The following RCAN2 variants were observed in gnomAD, a reference collection of about 807,000 sequenced individuals.
RCAN2 encodes regulator of calcineurin 2, also known as calcipressin-2.
Under a neutral mutation model 23.6 loss-of-function variants are expected in RCAN2, and 9 were observed. That is an observed-to-expected ratio of 0.38 (90% CI 0.23 to 0.67). The LOEUF (loss-of-function observed/expected upper bound fraction) is 0.67, where lower values mean the gene tolerates loss of function less well. Among genes scored for constraint, RCAN2 ranks in the 30% least tolerant of loss-of-function variants. The pLI is 0.51. For synonymous variants in RCAN2, 109 were observed against 115.7 expected (o/e 0.94, Z 0.37); for missense variants, 273 against 302.3 (o/e 0.90, Z 0.72).
In RCAN2 at chr6:46,243,037, A is replaced by G. The variant is rs541900110; in HGVS notation, c.571+3711T>C. Among the ~76,000 whole-genome samples the G allele has an allele frequency of 3.9e-5, 6 of 152,314 alleles. No homozygotes were observed. The South Asian group carries it at 8.3e-4, about 21-fold the overall frequency. ...AGAAAATTACCATAAGGAAAAGTGA[A>G]TATTTGTGCAAAGTGACAGGAGGAG... On this transcript the variant is annotated intron_variant, in intron 4 of 4. Coordinates refer to ENST00000371374, the MANE Select transcript of RCAN2 (RefSeq NM_001251974.2).
intron 2 of RCAN2, among the ~76,000 whole-genome samples, chr6:46,424,247 TAAGTGGG>T (rs991322011): frequency 1.3e-5 from 2 of 152,148 alleles, no homozygotes; most frequent in Admixed American, 1.3e-4. Flanking sequence ...TCCCACAAGG[TAAGTGGG>T]AATATTATCA....
chr6:46,346,710 A>G (rs1291674550), intron 2 of RCAN2, among the ~76,000 whole-genome samples: 1 of 152,070 alleles, frequency 6.6e-6, no homozygotes, highest in African/African-American at 2.4e-5. Context: ...GCATCAAAAT[A>G]TTAATAGTAC....
chr6:46,434,156 C>G (rs1767297719), intron 2 of RCAN2, among the ~76,000 whole-genome samples: 1 of 152,208 alleles, frequency 6.6e-6, no homozygotes, highest in Admixed American at 6.5e-5. Flanking sequence ...CACTATGTGC[C>G]TCACAAAGAT....
intron 2 of RCAN2, among the ~76,000 whole-genome samples, chr6:46,299,009 G>A (rs907218900): frequency 1.3e-5 from 2 of 151,958 alleles, no homozygotes; most frequent in Non-Finnish European, 2.9e-5. Flanking sequence ...TATAAGAATA[G>A]AAAACAAAAT....
intron 2 of RCAN2, among the ~76,000 whole-genome samples, chr6:46,330,554 C>A (rs189657473): frequency 6.6e-6 from 1 of 152,196 alleles, no homozygotes; most frequent in African/African-American, 2.4e-5. Context: ...TATCACCAAA[C>A]GTCCTGCCAG....
intron 2 of RCAN2, among the ~76,000 whole-genome samples, chr6:46,389,544 C>A (rs1765867750): frequency 6.6e-6 from 1 of 152,190 alleles, no homozygotes; most frequent in Admixed American, 6.5e-5. Context: ...TCCTCCAGGG[C>A]TAGATCATGT....
intron 2 of RCAN2, among the ~76,000 whole-genome samples, chr6:46,330,849 T>C (rs1054216435): frequency 6.6e-6 from 1 of 152,232 alleles, no homozygotes; most frequent in Non-Finnish European, 1.5e-5. Flanking sequence ...CGACACAGTG[T>C]AGTTTAACAG....
chr6:46,397,999 T>C (rs1766145043), intron 2 of RCAN2, among the ~76,000 whole-genome samples: 1 of 152,090 alleles, frequency 6.6e-6, no homozygotes, highest in African/African-American at 2.4e-5. Flanking sequence ...CTGGAAACAA[T>C]CAAAATATTG....
intron 4 of RCAN2, among the ~76,000 whole-genome samples, chr6:46,239,982 A>G (rs1766245030): frequency 6.6e-6 from 1 of 152,202 alleles, no homozygotes. Flanking sequence ...AGGGAACCAC[A>G]GAGGGGAAAG....
At chr6:46,383,168 A>AGGGTGT (rs1554137741) in intron 2 of RCAN2, among the ~76,000 whole-genome samples, 2 of 139,312 alleles carry the variant, frequency 1.4e-5, no homozygotes, top group Non-Finnish European at 3.1e-5. Context: ...CAGCCTGGGT[A>AGGGTGT]GTGTGTGTGT....
rs7763863 is a variant in RCAN2 at position 46,402,556 on chromosome 6, A to G, written c.225+54196T>C. Among the ~76,000 whole-genome samples the G allele has an allele frequency of 1.2e-3, 176 of 152,286 alleles. 1 individual carries two copies. Among genetic ancestry groups the G allele is most frequent in the African/African-American group, 4.1e-3 (171 of 41,562 alleles). On this transcript the variant is annotated intron_variant, in intron 2 of 4. Coordinates refer to ENST00000371374, the MANE Select transcript of RCAN2 (RefSeq NM_001251974.2). The stretch of plus-strand genomic sequence containing the variant: ...ATGTAAAACTGGCCATAACAAAACT[A>G]TCTGACCTCCCTTATTTGACTGTAG...
At chr6:46,312,212 G>T (rs1331987907) in intron 2 of RCAN2, among the ~76,000 whole-genome samples, 7 of 152,184 alleles carry the variant, frequency 4.6e-5, no homozygotes, top group Non-Finnish European at 2.9e-5. Flanking sequence ...CATGGTATCA[G>T]ACTTTTCTTT....
intron 2 of RCAN2, among the ~76,000 whole-genome samples, chr6:46,282,361 C>T (rs1237621336): frequency 2.7e-5 from 4 of 148,786 alleles, no homozygotes; most frequent in South Asian, 2.1e-4. Context: ...CTGGCTAACA[C>T]GGTGAAACCT....
chr6:46,310,206 T>A (rs992566298), intron 2 of RCAN2, among the ~76,000 whole-genome samples: 3 of 152,118 alleles, frequency 2.0e-5, no homozygotes, highest in African/African-American at 7.2e-5. Context: ...AAAGATGGGT[T>A]CAGATTCCAT....
At chr6:46,244,113 C>T (rs1766424506) in intron 4 of RCAN2, among the ~76,000 whole-genome samples, 1 of 152,074 alleles carries the variant, frequency 6.6e-6, no homozygotes, top group South Asian at 2.1e-4. Flanking sequence ...GTGTTTATTA[C>T]AAAGCAGGGC....
At chr6:46,447,857 A>G (rs929396093) in intron 2 of RCAN2, among the ~76,000 whole-genome samples, 4 of 151,800 alleles carry the variant, frequency 2.6e-5, no homozygotes, top group African/African-American at 9.7e-5. Flanking sequence ...ATATCTAAGA[A>G]AAAAACTTAT....
chr6:46,344,897 C>T (rs1764435681), intron 2 of RCAN2, among the ~76,000 whole-genome samples: 1 of 151,976 alleles, frequency 6.6e-6, no homozygotes, highest in Admixed American at 6.6e-5. Flanking sequence ...GAATTATAAA[C>T]ATTTTAATTA....
intron 2 of RCAN2, among the ~76,000 whole-genome samples, chr6:46,263,513 A>ATG (rs1267211253): frequency 0.021 from 1,188 of 56,356 alleles, 17 homozygotes; most frequent in Middle Eastern, 0.086. Flanking sequence ...ATGTGTGTGT[A>ATG]TGTGTGTATG....
intron 4 of RCAN2, among the ~76,000 whole-genome samples, chr6:46,224,913 T>G: frequency 6.6e-6 from 1 of 152,194 alleles, no homozygotes; most frequent in African/African-American, 2.4e-5. Flanking sequence ...ACATATCTCC[T>G]AATGCTATCC....
Sources: allele counts gnomAD v4.1 joint callset (sites outside exome capture counted in the v4.1 genomes callset), GRCh38; gene constraint gnomAD v4.1.1; transcripts MANE v1.5; gene names NCBI Gene and HGNC (gene_info 2026-07-23, HGNC 2026-07-21).